Variants in ZSCAN25 observed in about 807,000 individuals in gnomAD.
ZSCAN25 encodes zinc finger and SCAN domain containing 25.
Under a neutral mutation model 38.7 loss-of-function variants are expected in ZSCAN25, and 27 were observed. The ratio of observed to expected loss-of-function variants is 0.70; its 90% CI spans 0.51 to 0.96. The LOEUF (loss-of-function observed/expected upper bound fraction) is 0.96. Among genes scored for constraint, ZSCAN25 ranks in the 40% least tolerant of loss-of-function variants. ZSCAN25 has a pLI of 0.00. For missense variants in ZSCAN25, 637 were observed against 705.9 expected, an observed-to-expected ratio of 0.90 and a Z score of 1.11; for synonymous variants, 273 against 277.7, an observed-to-expected ratio of 0.98 and a Z score of 0.17.
At chr7:99,705,921 C>T in the ZSCAN25 span, among the ~76,000 whole-genome samples, 6 of 152,148 alleles carry the variant, frequency 3.9e-5, no homozygotes, top group South Asian at 1.2e-3. Context: ...AAATTTAAAC[C>T]AGATTATTAG....
chr7:99,735,814 G>A, the ZSCAN25 span, among the ~76,000 whole-genome samples: 2 of 152,164 alleles, frequency 1.3e-5, no homozygotes, highest in Non-Finnish European at 2.9e-5. Flanking sequence ...CACTCTCATG[G>A]CTCTGGTCCC....
the ZSCAN25 span, chr7:99,638,768 C>T: frequency 4.7e-5 from 48 of 1,023,364 alleles, no homozygotes; most frequent in Admixed American, 1.7e-5. Context: ...TTCCCCATCG[C>T]GTCAGAGAAG....
chr7:99,630,673 A>G lies in ZSCAN25; in HGVS notation c.*653A>G. Reference sequence around the variant, plus strand: ...CCCTCCCCAGCTGGGATCTGCTCCCAGGCAACTGTGTGAATTTTACATTAT... The same window carrying G: ...CCCTCCCCAGCTGGGATCTGCTCCCGGGCAACTGTGTGAATTTTACATTAT... On this transcript the variant is annotated 3_prime_UTR_variant, in exon 8 of 8. Coordinates refer to ENST00000394152, the MANE Select transcript of ZSCAN25 (RefSeq NM_145115.3). 1.0e-6 allele frequency: 1 copy of G among 985,504 alleles called. No individual in the cohort carries two copies. The highest frequency in any genetic ancestry group is 1.2e-6 in the Non-Finnish European group (1 of 830,020). The allele number at this position is 985,504 out of a possible 1,614,324, so 61.0% of individuals were successfully genotyped here.
At chr7:99,628,164 G>T (rs954712735) in intron 7 of ZSCAN25, among the ~76,000 whole-genome samples, 1 of 152,070 alleles carries the variant, frequency 6.6e-6, no homozygotes, top group African/African-American at 2.4e-5. Flanking sequence ...AAATCTTTGC[G>T]TGTACAAAAC....
At chr7:99,638,395 C>G in the ZSCAN25 span, 1 of 1,594,708 alleles carries the variant, frequency 6.3e-7, no homozygotes, top group Admixed American at 1.7e-5. Context: ...TCGGGCAGGT[C>G]CTGCTTGTTG....
chr7:99,675,390 G>A, the ZSCAN25 span, among the ~76,000 whole-genome samples: 6 of 152,080 alleles, frequency 3.9e-5, no homozygotes, highest in African/African-American at 1.2e-4. Flanking sequence ...TTTATCGAGG[G>A]TAAAATTGTG....
At chr7:99,676,614 CTGA>C in the ZSCAN25 span, 13 of 1,257,982 alleles carry the variant, frequency 1.0e-5, no homozygotes, top group Non-Finnish European at 1.3e-5. Context: ...GTCTTTTGCA[CTGA>C]TGATGAGATT....
At chr7:99,685,834 CCA>C in the ZSCAN25 span, among the ~76,000 whole-genome samples, 1 of 152,226 alleles carries the variant, frequency 6.6e-6, no homozygotes, top group South Asian at 2.1e-4. Flanking sequence ...CCACTTTTCT[CCA>C]GACTTTGGTG....
chr7:99,714,231 C>T, the ZSCAN25 span, among the ~76,000 whole-genome samples: 1 of 152,174 alleles, frequency 6.6e-6, no homozygotes, highest in Non-Finnish European at 1.5e-5. Context: ...AAATGTATTT[C>T]CAAACAGTAA....
At chr7:99,713,612 A>G in the ZSCAN25 span, 3 of 1,600,686 alleles carry the variant, frequency 1.9e-6, no homozygotes, top group African/African-American at 4.0e-5. Flanking sequence ...GCAGTCCTCA[A>G]CCTCCCTTCT....
the ZSCAN25 span, among the ~76,000 whole-genome samples, chr7:99,679,104 A>G: frequency 1.3e-5 from 2 of 152,246 alleles, no homozygotes; most frequent in Non-Finnish European, 2.9e-5. Context: ...GGGAGGAAAA[A>G]GATTAAAGCA....
the ZSCAN25 span, chr7:99,652,745 T>A: frequency 1.2e-6 from 2 of 1,613,890 alleles, no homozygotes; most frequent in African/African-American, 2.7e-5. Context: ...GTCAAGGTAC[T>A]CCATCTGTAC....
the ZSCAN25 span, among the ~76,000 whole-genome samples, chr7:99,683,457 A>G: frequency 7.9e-5 from 12 of 152,328 alleles, no homozygotes; most frequent in Non-Finnish European, 1.5e-4. Context: ...ATATACATGG[A>G]TACATCCATT....
At chr7:99,665,332 T>C in the ZSCAN25 span, 6 of 1,613,828 alleles carry the variant, frequency 3.7e-6, no homozygotes, top group East Asian at 2.2e-5. Context: ...GAGAAAGATA[T>C]GGAAAATTAA....
the ZSCAN25 span, chr7:99,709,093 A>AG: frequency 1.2e-6 from 2 of 1,613,946 alleles, no homozygotes; most frequent in African/African-American, 2.7e-5. Flanking sequence ...TGAAGAACAT[A>AG]GCTTGGAATC....
chr7:99,632,034 C>A lies in ZSCAN25; in HGVS notation c.*2014C>A. On this transcript the variant is annotated 3_prime_UTR_variant, in exon 8 of 8. Transcript: ENST00000394152. ...TGGGGACTGGGGAGGCCTCGGGGGGCTGCTTGTCATTACCTGAATCACAGA... is the reference window on the plus strand; with the variant it reads ...TGGGGACTGGGGAGGCCTCGGGGGGATGCTTGTCATTACCTGAATCACAGA... The A allele has an allele frequency of 1.0e-6, 1 of 985,446 alleles. No individual in the cohort carries two copies. The allele number at this position is 985,446 out of a possible 1,614,324, so 61.0% of individuals were successfully genotyped here. A position where few individuals can be genotyped will look rare whatever the true frequency, so the allele number is the denominator to read the frequency against.
At chr7:99,731,784 T>A in the ZSCAN25 span, among the ~76,000 whole-genome samples, 1 of 152,140 alleles carries the variant, frequency 6.6e-6, no homozygotes, top group African/African-American at 2.4e-5. Context: ...GATTGACAAC[T>A]GTGCTCCAGG....
At chr7:99,622,129 G>A (rs1322511823) in intron 5 of ZSCAN25, 3 of 187,246 alleles carry the variant, frequency 1.6e-5, no homozygotes, top group Admixed American at 6.1e-5. Context: ...GTTTCACCAT[G>A]TTAGCCAGGA....
At chr7:99,726,317 A>G in the ZSCAN25 span, among the ~76,000 whole-genome samples, 2 of 152,316 alleles carry the variant, frequency 1.3e-5, no homozygotes, top group Admixed American at 1.3e-4. Context: ...CTGCTACAGC[A>G]TGGGCTTCTA....
Sources: allele counts gnomAD v4.1 joint callset (sites outside exome capture counted in the v4.1 genomes callset), GRCh38; gene constraint gnomAD v4.1.1; transcripts MANE v1.5; gene names NCBI Gene and HGNC (gene_info 2026-07-23, HGNC 2026-07-21).